The following TSHZ2 variants were observed in gnomAD, a reference collection of about 807,000 sequenced individuals.
TSHZ2 encodes teashirt zinc finger homeobox 2.
A neutral mutation model predicts 74.4 loss-of-function variants in TSHZ2; 21 were observed. That is an observed-to-expected ratio of 0.28 (90% CI 0.20 to 0.41). The LOEUF (loss-of-function observed/expected upper bound fraction) is 0.41. TSHZ2 is among the 10% of genes least tolerant of loss of function. The pLI is 1.00. For synonymous variants in TSHZ2, 540 were observed against 515.3 expected (o/e 1.05, Z -0.65); for missense variants, 1,244 against 1,293.5 (o/e 0.96, Z 0.59).
chr20:53,440,656 G>T (rs930964776), intron 2 of TSHZ2, among the ~76,000 whole-genome samples: 1 of 152,160 alleles, frequency 6.6e-6, no homozygotes, highest in African/African-American at 2.4e-5. Context: ...TCTCAAGTTT[G>T]GCTGTGCCGT....
chr20:53,299,850 A>G (rs187815507), intron 2 of TSHZ2, among the ~76,000 whole-genome samples: 2 of 152,250 alleles, frequency 1.3e-5, no homozygotes, highest in African/African-American at 4.8e-5. Context: ...TAAACATTAT[A>G]CAGAGCCCAT....
intron 2 of TSHZ2, chr20:53,401,137 G>A (rs1312811843): frequency 2.0e-5 from 3 of 152,206 alleles, no homozygotes; most frequent in Non-Finnish European, 4.4e-5. Flanking sequence ...GCTTACCTCT[G>A]TGTGCCTGAG....
intron 2 of TSHZ2, among the ~76,000 whole-genome samples, chr20:53,321,428 G>A (rs1432195114): frequency 1.3e-5 from 2 of 152,108 alleles, no homozygotes; most frequent in African/African-American, 2.4e-5. Flanking sequence ...GCTCACGCCT[G>A]TAATCCCAGC....
intron 2 of TSHZ2, among the ~76,000 whole-genome samples, chr20:53,340,930 A>C (rs1980173310): frequency 6.6e-6 from 1 of 152,150 alleles, no homozygotes; most frequent in Admixed American, 6.5e-5. Context: ...ATCTGAAAAA[A>C]ATTGAGCGCA....
intron 1 of TSHZ2, among the ~76,000 whole-genome samples, chr20:53,187,419 G>A (rs897872330): frequency 2.0e-5 from 3 of 152,192 alleles, no homozygotes; most frequent in Non-Finnish European, 2.9e-5. Flanking sequence ...GCAAACCGGT[G>A]TCTCGAGCTT....
intron 1 of TSHZ2, among the ~76,000 whole-genome samples, chr20:53,076,513 A>G (rs1985367811): frequency 6.6e-6 from 1 of 152,202 alleles, no homozygotes; most frequent in African/African-American, 2.4e-5. Flanking sequence ...GTTGTGCTTA[A>G]TACTATGAAA....
chr20:53,214,135 G>A (rs1264397327), intron 1 of TSHZ2, among the ~76,000 whole-genome samples: 1 of 152,072 alleles, frequency 6.6e-6, no homozygotes, highest in Admixed American at 6.6e-5. Flanking sequence ...TATTTAAATT[G>A]ATGTAATTAA....
At chr20:53,173,559 C>CAACAGG (rs1279887868) in intron 1 of TSHZ2, among the ~76,000 whole-genome samples, 3 of 152,058 alleles carry the variant, frequency 2.0e-5, no homozygotes, top group Non-Finnish European at 2.9e-5. Context: ...AGTGAGCCGA[C>CAACAGG]GTAGCGCCAC....
chr20:53,030,911 C>G (rs774506850), intron 1 of TSHZ2, among the ~76,000 whole-genome samples: 1 of 152,056 alleles, frequency 6.6e-6, no homozygotes, highest in Admixed American at 6.6e-5. Flanking sequence ...TAAAGAAACA[C>G]GTAAAAATTT....
At chr20:53,358,615 G>T (rs1423067399) in intron 2 of TSHZ2, among the ~76,000 whole-genome samples, 1 of 152,000 alleles carries the variant, frequency 6.6e-6, no homozygotes, top group East Asian at 1.9e-4. Flanking sequence ...AAAGTGCTGG[G>T]ATTACAGGCG....
chr20:53,475,587 C>G (rs1423744550), intron 2 of TSHZ2, among the ~76,000 whole-genome samples: 6 of 116,398 alleles, frequency 5.2e-5, no homozygotes, highest in Non-Finnish European at 1.0e-4. Context: ...CCTAACATCA[C>G]AATTAAAAGA....
Position 53,254,047 on chromosome 20 carries a change from T to C in TSHZ2, c.589T>C (p.Leu197=), listed in dbSNP as rs370265603. 1 of 1,613,964 alleles carries C rather than the reference T, an allele frequency of 6.2e-7. No homozygotes were observed. The highest frequency in any genetic ancestry group is 8.5e-7 in the Non-Finnish European group (1 of 1,180,030). The change falls in exon 2 of 3, where the codon TTG becomes CTG. Residue 197 remains leucine, a synonymous_variant. Transcript: ENST00000371497. ...ACCCAGCCTGTTCAGCTCGGTGCAG[T>C]TGTACCGACAGAGCAGCAAGATGTG... ...SKPSLFSSVQ[L]YRQSSKMCGT...
At chr20:53,077,308 G>T (rs915810903) in intron 1 of TSHZ2, among the ~76,000 whole-genome samples, 3 of 151,760 alleles carry the variant, frequency 2.0e-5, no homozygotes, top group African/African-American at 7.3e-5. Flanking sequence ...CTACTTGGGA[G>T]GCTGAGGCAG....
At chr20:52,993,165 C>T (rs1982055681) in intron 1 of TSHZ2, among the ~76,000 whole-genome samples, 1 of 152,126 alleles carries the variant, frequency 6.6e-6, no homozygotes, top group Admixed American at 6.6e-5. Flanking sequence ...CTAACATTTC[C>T]AATATATAAC....
At chr20:53,237,503 G>A (rs1989967079) in intron 1 of TSHZ2, among the ~76,000 whole-genome samples, 2 of 112,678 alleles carry the variant, frequency 1.8e-5, no homozygotes, top group African/African-American at 1.0e-4. Context: ...TTCTCTGTGT[G>A]AGTGTGTGTG....
intron 1 of TSHZ2, among the ~76,000 whole-genome samples, chr20:53,109,886 TCTCAGCTCAG>T (rs542379160): frequency 1.3e-5 from 2 of 152,150 alleles, no homozygotes; most frequent in Non-Finnish European, 1.5e-5. Context: ...TGTCCTGGGT[TCTCAGCTCAG>T]CTCAGCTCAG....
At chr20:53,436,536 A>ATTTTTTTTTTTT (rs71194478) in intron 2 of TSHZ2, among the ~76,000 whole-genome samples, 8 of 83,560 alleles carry the variant, frequency 9.6e-5, no homozygotes, top group African/African-American at 1.5e-4. Flanking sequence ...TATTATTATT[A>ATTTTTTTTTTTT]TTATTATTAT....
intron 1 of TSHZ2, among the ~76,000 whole-genome samples, chr20:53,247,468 A>G (rs986741971): frequency 6.6e-6 from 1 of 152,224 alleles, no homozygotes; most frequent in African/African-American, 2.4e-5. Context: ...AGAATAGCTC[A>G]GCTTCCTTGA....
At chr20:53,109,473 CCACT>C (rs2123318041) in intron 1 of TSHZ2, among the ~76,000 whole-genome samples, 1 of 152,284 alleles carries the variant, frequency 6.6e-6, no homozygotes, top group African/African-American at 2.4e-5. Context: ...TCCTCCTCTC[CCACT>C]CACTCCCATC....
Sources: allele counts gnomAD v4.1 joint callset (sites outside exome capture counted in the v4.1 genomes callset), GRCh38; gene constraint gnomAD v4.1.1; transcripts MANE v1.5; gene names NCBI Gene and HGNC (gene_info 2026-07-23, HGNC 2026-07-21).